The following PARP8 variants were observed in gnomAD, a reference collection of about 807,000 sequenced individuals.
PARP8 encodes the protein poly(ADP-ribose) polymerase family member 8.
Under a neutral mutation model 124.1 loss-of-function variants are expected in PARP8, and 51 were observed. The ratio of observed to expected loss-of-function variants is 0.41; its 90% CI spans 0.33 to 0.52. The LOEUF (loss-of-function observed/expected upper bound fraction) is 0.52. Among genes scored for constraint, PARP8 ranks in the 20% least tolerant of loss-of-function variants. The probability of loss-of-function intolerance (pLI) is 0.21; values close to 1 mark genes in which losing one functional copy is unlikely to be tolerated. For missense variants in PARP8, 860 were observed against 1,018.9 expected (o/e 0.84, Z 2.12); for synonymous variants, 391 against 361.5 (o/e 1.08, Z -0.93).
At chr5:50,827,642 T>C (rs1352568460) in intron 19 of PARP8, among the ~76,000 whole-genome samples, 2 of 152,200 alleles carry the variant, frequency 1.3e-5, no homozygotes, top group African/African-American at 4.8e-5. Flanking sequence ...AGAAGGCAGA[T>C]CTGCTTAAAC....
At chr5:50,763,967 T>TA (rs1243023052) in intron 7 of PARP8, among the ~76,000 whole-genome samples, 1 of 152,158 alleles carries the variant, frequency 6.6e-6, no homozygotes, top group Non-Finnish European at 1.5e-5. Flanking sequence ...ACTACCCAGA[T>TA]ATGTCATATT....
intron 3 of PARP8, among the ~76,000 whole-genome samples, chr5:50,754,150 T>TATATATACACACACAC (rs1312947286): frequency 5.4e-5 from 2 of 37,172 alleles, no homozygotes; most frequent in African/African-American, 2.4e-4. Context: ...TATATATATA[T>TATATATACACACACAC]ACACACACAC....
chr5:50,800,168 G>A (rs1400533905), intron 14 of PARP8, among the ~76,000 whole-genome samples: 2 of 152,088 alleles, frequency 1.3e-5, no homozygotes, highest in Non-Finnish European at 2.9e-5. Flanking sequence ...GGATAAGTTT[G>A]TTTTTAAGCA....
At chr5:50,818,176 G>GGCC (rs1241518212) in intron 15 of PARP8, among the ~76,000 whole-genome samples, 1 of 105,708 alleles carries the variant, frequency 9.5e-6, no homozygotes, top group African/African-American at 3.5e-5. Context: ...ATATCATTTA[G>GGCC]CCCCCCCCCC....
chr5:50,728,941 T>G (rs1756702484), intron 2 of PARP8, among the ~76,000 whole-genome samples: 1 of 152,140 alleles, frequency 6.6e-6, no homozygotes, highest in East Asian at 1.9e-4. Flanking sequence ...TTGTTGATGT[T>G]GAAAAAGGCA....
intron 2 of PARP8, among the ~76,000 whole-genome samples, chr5:50,730,267 C>T (rs534473396): frequency 6.6e-6 from 1 of 151,928 alleles, no homozygotes; most frequent in South Asian, 2.1e-4. Context: ...TTTCATGCTG[C>T]TATGAAGAAA....
Position 50,822,418 on chromosome 5 carries a change from T to C in PARP8, c.1860+18T>C. 2.6e-6 allele frequency: 4 copies of C among 1,560,844 alleles called. No individual in the cohort carries two copies. The highest frequency in any genetic ancestry group is 3.5e-6 in the Non-Finnish European group (4 of 1,134,252). On this transcript the variant is annotated intron_variant, in intron 17 of 25. Coordinates refer to ENST00000281631, the MANE Select transcript of PARP8 (RefSeq NM_024615.4). ...TGACACAAGTAAGTATGTCATCTGG[T>C]CTTGTACAGTATATTTTTAAAATGT... is the stretch of plus-strand genomic sequence containing the variant.
intron 2 of PARP8, chr5:50,669,162 A>C (rs931460354): frequency 6.6e-6 from 1 of 152,346 alleles, no homozygotes; most frequent in South Asian, 2.1e-4. Context: ...CCTAAGCCCC[A>C]GAATTAGCAC....
At chr5:50,705,867 C>T (rs1256999977) in intron 2 of PARP8, among the ~76,000 whole-genome samples, 1 of 152,076 alleles carries the variant, frequency 6.6e-6, no homozygotes, top group Non-Finnish European at 1.5e-5. Context: ...TTGCCATTTG[C>T]CTGCATTTCA....
intron 2 of PARP8, among the ~76,000 whole-genome samples, chr5:50,727,489 A>G (rs2149513145): frequency 6.6e-6 from 1 of 152,240 alleles, no homozygotes; most frequent in East Asian, 1.9e-4. Flanking sequence ...GTACGTGTGG[A>G]CTATATTGTT....
At chr5:50,717,132 A>G (rs925798721) in intron 2 of PARP8, among the ~76,000 whole-genome samples, 1 of 152,076 alleles carries the variant, frequency 6.6e-6, no homozygotes, top group African/African-American at 2.4e-5. Flanking sequence ...TATATACTGA[A>G]TTATATAATT....
intron 2 of PARP8, among the ~76,000 whole-genome samples, chr5:50,724,033 G>C (rs1756169841): frequency 6.6e-6 from 1 of 151,998 alleles, no homozygotes. Context: ...CATTCCCCAG[G>C]CTTGCCTCAA....
At position 50,822,463 on chromosome 5, in the gene PARP8, A is replaced by G. The variant is rs41270307; in HGVS notation, c.1860+63A>G. 4,143 of 1,273,572 alleles carry G rather than the reference A, an allele frequency of 3.3e-3. 9 individuals are homozygous for G. The highest frequency in any genetic ancestry group is 4.3e-3 in the Non-Finnish European group (3,783 of 886,766). 78.9% of individuals were successfully genotyped at this position (1,273,572 alleles called of 1,614,324 possible). ...AAATGTCTGAGAGTTCTAGCTATGT[A>G]GTGAAATGTAGACTTCTCTATAATA... On this transcript the variant is annotated intron_variant, in intron 17 of 25. Coordinates refer to ENST00000281631, the MANE Select transcript of PARP8 (RefSeq NM_024615.4).
At chr5:50,764,796 A>G (rs1760891453) in intron 7 of PARP8, among the ~76,000 whole-genome samples, 1 of 150,660 alleles carries the variant, frequency 6.6e-6, no homozygotes, top group South Asian at 2.1e-4. Context: ...AGTCCAAAAC[A>G]ATGGCTGTGT....
intron 14 of PARP8, among the ~76,000 whole-genome samples, chr5:50,814,546 A>G (rs1438691021): frequency 6.6e-6 from 1 of 152,066 alleles, no homozygotes; most frequent in African/African-American, 2.4e-5. Context: ...AGTCAACCAG[A>G]AAGCTTTGTA....
At chr5:50,710,778 T>C (rs1231589017) in intron 2 of PARP8, among the ~76,000 whole-genome samples, 3 of 152,090 alleles carry the variant, frequency 2.0e-5, no homozygotes, top group Non-Finnish European at 2.9e-5. Context: ...GTGTAGACTT[T>C]TGAAAAAGAA....
chr5:50,692,939 T>A lies in PARP8; in HGVS notation c.146+24814T>A, dbSNP rs901510443. On this transcript the variant is annotated intron_variant, in intron 2 of 25. Transcript: ENST00000281631. Reference sequence around the variant, plus strand: ...GAGAGTTCTTTGAAGCAGGACTTTATATTTTTTTATCTGTGTTTCCAAATG... The same window carrying A: ...GAGAGTTCTTTGAAGCAGGACTTTAAATTTTTTTATCTGTGTTTCCAAATG... Among the ~76,000 whole-genome samples, 13 of 152,294 alleles carry A rather than the reference T, an allele frequency of 8.5e-5. 1 individual carries two copies. The highest frequency in any genetic ancestry group is 3.3e-4 in the Admixed American group (5 of 15,292).
intron 9 of PARP8, among the ~76,000 whole-genome samples, chr5:50,781,280 G>T (rs1034643056): frequency 2.0e-5 from 3 of 151,904 alleles, no homozygotes; most frequent in African/African-American, 4.8e-5. Context: ...ATCACCAGTC[G>T]CTTTTGTTTT....
chr5:50,734,523 C>T (rs1757293954), intron 2 of PARP8, among the ~76,000 whole-genome samples: 2 of 152,128 alleles, frequency 1.3e-5, no homozygotes, highest in Admixed American at 6.5e-5. Flanking sequence ...CATAATCATT[C>T]AAACAAATTA....
Sources: gnomAD v4.1 joint callset for allele counts (sites outside exome capture counted in the v4.1 genomes callset) on GRCh38, gnomAD v4.1.1 for gene constraint, MANE v1.5 for transcripts, NCBI Gene and HGNC (gene_info 2026-07-23, HGNC 2026-07-21) for gene names.